Variants in GTF2H5 observed in about 807,000 individuals in gnomAD.
GTF2H5 encodes TFB5 ortholog.
In GTF2H5, 5 loss-of-function variants were observed where a neutral mutation model predicts 7.1. The observed-to-expected ratio is 0.71, with a 90% CI of 0.37 to 1.49. The LOEUF (loss-of-function observed/expected upper bound fraction) is 1.49. GTF2H5 is among the 40% of genes most tolerant of loss of function. The pLI is 0.03. For missense variants in GTF2H5, 80 were observed against 83.0 expected (o/e 0.96, Z 0.14); for synonymous variants, 30 against 31.7 (o/e 0.95, Z 0.18).
chr6:158,170,419 A>G, intron 1 of GTF2H5, 51 bp from the exon 2 acceptor site: 1 of 1,078,314 alleles, frequency 9.3e-7, no homozygotes, highest in Non-Finnish European at 1.4e-6. Context: ...TCCCCAAAGT[A>G]TATGAAAGTT....
At chr6:158,190,695 G>T (rs772277408) in intron 2 of GTF2H5, 2 of 438,956 alleles carry the variant, frequency 4.6e-6, no homozygotes, top group African/African-American at 4.1e-5. Flanking sequence ...CTTGTTTTCA[G>T]TAAATTATAG....
At chr6:158,191,609 A>G (rs1373462699) in intron 2 of GTF2H5, among the ~76,000 whole-genome samples, 1 of 151,944 alleles carries the variant, frequency 6.6e-6, no homozygotes, top group African/African-American at 2.4e-5. Context: ...CAGCCTCCCA[A>G]GTAGCTGGGA....
Position 158,192,162 on chromosome 6 carries a change from A to T in GTF2H5, c.*5A>T. ...TTTTCCCTTACCCAGAAATGAAAAT[A>T]CTCAATATGGACCATTTAGGAATTA... On this transcript the variant is annotated 3_prime_UTR_variant, in exon 3 of 3. Coordinates refer to ENST00000607778, the MANE Select transcript of GTF2H5 (RefSeq NM_207118.3). The T allele has an allele frequency of 6.2e-7, 1 of 1,606,468 alleles. No individual in the cohort carries two copies. Among genetic ancestry groups the T allele is most frequent in the Non-Finnish European group, 8.5e-7 (1 of 1,174,532 alleles).
chr6:158,170,498 G>A lies in GTF2H5; in HGVS notation c.-6G>A, dbSNP rs776362735. ...TCTTCAGGTCATCTGAACCTTCTGA[G>A]AAAACATGGTCAACGTCTTGAAAGG... is the stretch of plus-strand genomic sequence containing the variant. On this transcript the variant is annotated 5_prime_UTR_variant, in exon 2 of 3. Coordinates refer to ENST00000607778, the MANE Select transcript of GTF2H5 (RefSeq NM_207118.3). The A allele has an allele frequency of 2.5e-6, 4 of 1,607,850 alleles. No homozygotes were observed. The highest frequency in any genetic ancestry group is 3.4e-6 in the Non-Finnish European group (4 of 1,174,258).
At chr6:158,169,360 A>ATATAATATGTATATTATATAT (rs1785713324) in intron 1 of GTF2H5, among the ~76,000 whole-genome samples, 3 of 86,678 alleles carry the variant, frequency 3.5e-5, no homozygotes, top group Admixed American at 4.7e-4. Flanking sequence ...TATATAATAC[A>ATATAATATGTATATTATATAT]TATATATAAT....
chr6:158,191,486 CTTT>C (rs71542917), intron 2 of GTF2H5, among the ~76,000 whole-genome samples: 1 of 143,958 alleles, frequency 6.9e-6, no homozygotes. Flanking sequence ...ACTAATAGTT[CTTT>C]TTTTTTTTTT....
At chr6:158,185,569 G>A (rs1377822864) in intron 2 of GTF2H5, among the ~76,000 whole-genome samples, 1 of 151,058 alleles carries the variant, frequency 6.6e-6, no homozygotes, top group African/African-American at 2.4e-5. Context: ...AGTTTGAAGC[G>A]ATTGATATTA....
intron 1 of GTF2H5, among the ~76,000 whole-genome samples, chr6:158,168,895 C>T (rs531032979): frequency 6.6e-6 from 1 of 152,150 alleles, no homozygotes; most frequent in African/African-American, 2.4e-5. Context: ...GCCAGGAGTT[C>T]GAGACCAGCC....
chr6:158,191,553 G>A (rs979124230), intron 2 of GTF2H5, among the ~76,000 whole-genome samples: 2 of 150,266 alleles, frequency 1.3e-5, no homozygotes, highest in East Asian at 1.9e-4. Context: ...CACGATCTCC[G>A]CTCACTGCAA....
chr6:158,170,403 G>A (rs147583969), intron 1 of GTF2H5, 67 bp from the exon 2 acceptor site: 2 of 918,346 alleles, frequency 2.2e-6, no homozygotes, highest in African/African-American at 1.6e-5. Flanking sequence ...TCGTTTCAGA[G>A]GCAGATCCCC....
At chr6:158,190,052 T>C (rs187660867) in intron 2 of GTF2H5, among the ~76,000 whole-genome samples, 8 of 152,166 alleles carry the variant, frequency 5.3e-5, no homozygotes, top group Non-Finnish European at 8.8e-5. Flanking sequence ...TCTCAAAATA[T>C]AACATCAAAA....
chr6:158,169,617 CATATA>C (rs1168919530), intron 1 of GTF2H5, among the ~76,000 whole-genome samples: 972 of 34,194 alleles, frequency 0.028, 102 homozygotes, highest in Non-Finnish European at 0.034. Context: ...TTGTATATTA[CATATA>C]ATATATTGTA....
At chr6:158,180,273 C>T (rs1351948274) in intron 2 of GTF2H5, among the ~76,000 whole-genome samples, 1 of 152,144 alleles carries the variant, frequency 6.6e-6, no homozygotes, top group Non-Finnish European at 1.5e-5. Flanking sequence ...ATTCGGTTTG[C>T]CCGTATTTTA....
rs779386634 is a variant in GTF2H5 at position 158,197,262 on chromosome 6, A to G, written c.*5105A>G. 8.7e-5 allele frequency: 16 copies of G among 184,236 alleles called. No individual in the cohort carries two copies. The highest frequency in any genetic ancestry group is 3.1e-4 in the African/African-American group (13 of 41,812). The allele number at this position is 184,236 out of a possible 1,614,324, so 11.4% of individuals were successfully genotyped here. ...AACCAACCCACTAACACACATTTAA[A>G]TAAGATACCCAAATGCAGAAAGAAA... On this transcript the variant is annotated 3_prime_UTR_variant, in exon 3 of 3. Coordinates refer to ENST00000607778, the MANE Select transcript of GTF2H5 (RefSeq NM_207118.3).
rs1415451997 is a variant in GTF2H5 at position 158,194,804 on chromosome 6, A to C, written c.*2647A>C. The C allele has an allele frequency of 4.6e-5, 7 of 152,250 alleles. No individual in the cohort carries two copies. Among genetic ancestry groups the C allele is most frequent in the African/African-American group, 1.7e-4 (7 of 41,466 alleles). The allele number at this position is 152,250 out of a possible 1,614,324, so 9.4% of individuals were successfully genotyped here. On this transcript the variant is annotated 3_prime_UTR_variant, in exon 3 of 3. Coordinates refer to ENST00000607778, the MANE Select transcript of GTF2H5 (RefSeq NM_207118.3). Reference sequence around the variant, plus strand: ...GATTAAGGGAGAAAGGGACAGTCTGAAAACAAGGTTAGTAAAAACAAGGTT... The same window carrying C: ...GATTAAGGGAGAAAGGGACAGTCTGCAAACAAGGTTAGTAAAAACAAGGTT...
chr6:158,169,358 AC>A (rs1562467648), intron 1 of GTF2H5, among the ~76,000 whole-genome samples: 47 of 80,912 alleles, frequency 5.8e-4, no homozygotes, highest in African/African-American at 1.9e-3. Flanking sequence ...TATATATAAT[AC>A]ATATATATAA....
In GTF2H5 at chr6:158,192,047, CA is replaced by C; in HGVS notation, c.108del (p.Asp37ThrfsTer9). 1 of 1,612,320 alleles carries C rather than the reference CA, an allele frequency of 6.2e-7. No homozygotes were observed. The highest frequency in any genetic ancestry group is 8.5e-7 in the Non-Finnish European group (1 of 1,178,358). On this transcript the variant is annotated frameshift_variant, in exon 3 of 3. Transcript: ENST00000607778. LOFTEE classifies it high-confidence loss of function. ...SNALGKKFII[Q>X]DIDDTHVFVI... ...TGCCCTGGGGAAGAAGTTCATCATT[CA>C]AGACATTGATGACACTCACGTCTTT...
In GTF2H5 at chr6:158,192,359, T is replaced by TTG. The variant is rs1299284170; in HGVS notation, c.*203_*204insGT. ...ATAGAATTTAAAAAAAAAAAAAGCT[T>TTG]TAACAGTTGGCTGTAATTTGGCTTT... On this transcript the variant is annotated 3_prime_UTR_variant, in exon 3 of 3. Coordinates refer to ENST00000607778, the MANE Select transcript of GTF2H5 (RefSeq NM_207118.3). 9.1e-6 allele frequency: 5 copies of TTG among 547,840 alleles called. No homozygotes were observed. The East Asian group carries it at 1.6e-4, about 17-fold the overall frequency. 33.9% of individuals were successfully genotyped at this position (547,840 alleles called of 1,614,324 possible).
chr6:158,172,661 A>C (rs1160569622), intron 2 of GTF2H5, among the ~76,000 whole-genome samples: 1 of 151,954 alleles, frequency 6.6e-6, no homozygotes, highest in East Asian at 1.9e-4. Context: ...GTTCTCCACC[A>C]TTATTTCCTT....
Sources: gnomAD v4.1 joint callset for allele counts (sites outside exome capture counted in the v4.1 genomes callset) on GRCh38, gnomAD v4.1.1 for gene constraint, MANE v1.5 for transcripts, NCBI Gene and HGNC (gene_info 2026-07-23, HGNC 2026-07-21) for gene names.